The following MBTPS1 variants were observed in gnomAD, a reference collection of about 807,000 sequenced individuals.
MBTPS1 encodes membrane bound transcription factor peptidase, site 1, also known as membrane-bound transcription factor site-1 protease.
A neutral mutation model predicts 127.8 loss-of-function variants in MBTPS1; 94 were observed. That is an observed-to-expected ratio of 0.74 (90% confidence interval 0.62 to 0.87). MBTPS1 has a LOEUF of 0.87. Ranked by LOEUF, MBTPS1 falls within the 40% of genes least tolerant of loss-of-function variation. The probability of loss-of-function intolerance (pLI) is 0.00; values close to 1 mark genes in which losing one functional copy is unlikely to be tolerated. For synonymous variants in MBTPS1, 632 were observed against 509.4 expected, an observed-to-expected ratio of 1.24 and a Z score of -3.24; for missense variants, 1,636 against 1,353.2, an observed-to-expected ratio of 1.21 and a Z score of -3.28.
At chr16:84,093,420 G>A (rs1046184122) in intron 5 of MBTPS1, 123 bp from the exon 6 acceptor site, 4 of 712,604 alleles carry the variant, frequency 5.6e-6, no homozygotes, top group Non-Finnish European at 9.8e-6. Flanking sequence ...GAGGGCCTCT[G>A]CTGCTGCTCT....
intron 12 of MBTPS1, chr16:84,072,226 G>A (rs2085780484): frequency 6.6e-6 from 1 of 152,270 alleles, no homozygotes; most frequent in Non-Finnish European, 1.5e-5. Context: ...CAAAAGGACA[G>A]ATGCTATAGG....
intron 2 of MBTPS1, among the ~76,000 whole-genome samples, chr16:84,100,911 T>C (rs1198385130): frequency 1.3e-5 from 2 of 150,226 alleles, no homozygotes; most frequent in Admixed American, 1.3e-4. Context: ...TCCCAGCACT[T>C]TGGGAGGCCA....
intron 14 of MBTPS1, 87 bp from the exon 15 acceptor site, chr16:84,068,541 G>A: frequency 2.2e-6 from 2 of 897,198 alleles, no homozygotes; most frequent in Non-Finnish European, 1.8e-6. Context: ...CTCTGCAAGA[G>A]CACCATGCCA....
At chr16:84,095,149 G>A (rs913590132) in intron 4 of MBTPS1, among the ~76,000 whole-genome samples, 2 of 152,188 alleles carry the variant, frequency 1.3e-5, no homozygotes, top group African/African-American at 2.4e-5. Context: ...TCTGCATTCA[G>A]GACACCAAAC....
At position 84,067,715 on chromosome 16, in the gene MBTPS1, T is replaced by C; in HGVS notation, c.2180A>G (p.Tyr727Cys). 6.2e-7 allele frequency: 1 copy of C among 1,614,134 alleles called. No homozygotes were observed. Among genetic ancestry groups the C allele is most frequent in the Non-Finnish European group, 8.5e-7 (1 of 1,179,936 alleles). Residue 727 changes from tyrosine to cysteine, a missense_variant, in exon 16 of 23, where the codon TAC becomes TGC. Tyr to Cys is a radical substitution (Grantham distance 194). Coordinates refer to ENST00000343411, the MANE Select transcript of MBTPS1 (RefSeq NM_003791.4). Reference sequence around the variant, plus strand: ...CACTTTTCTCATAACAGAAGTGTTGTACCAGTCACTGAAGATGACGAGCGA... The same window carrying C: ...CACTTTTCTCATAACAGAAGTGTTGCACCAGTCACTGAAGATGACGAGCGA... Reference protein sequence around the residue: ...GLSLVIFSDWYNTSVMRKVKF... With the variant: ...GLSLVIFSDWCNTSVMRKVKF...
intron 20 of MBTPS1, 166 bp from the exon 21 acceptor site, chr16:84,059,594 T>C (rs2085575929): frequency 3.5e-6 from 2 of 572,044 alleles, no homozygotes; most frequent in Non-Finnish European, 3.1e-6. Flanking sequence ...CCACGCCTGA[T>C]TGGTTCCTCC....
intron 11 of MBTPS1, among the ~76,000 whole-genome samples, chr16:84,077,232 A>G (rs531494510): frequency 7.7e-6 from 1 of 130,380 alleles, no homozygotes; most frequent in South Asian, 2.4e-4. Context: ...TGCATTAAAA[A>G]AGAAAAAAAA....
intron 1 of MBTPS1, among the ~76,000 whole-genome samples, chr16:84,113,460 AG>A (rs2086426704): frequency 6.6e-6 from 1 of 152,270 alleles, no homozygotes; most frequent in Non-Finnish European, 1.5e-5. Flanking sequence ...TTCAAATTAT[AG>A]AAATAGAAAA....
chr16:84,070,566 C>T, intron 13 of MBTPS1, 22 bp downstream of exon 13: 3 of 1,607,848 alleles, frequency 1.9e-6, no homozygotes, highest in South Asian at 2.2e-5. Flanking sequence ...AGAAAACAAG[C>T]CACTTTCCCG....
At chr16:84,104,007 A>G (rs2086291486) in intron 1 of MBTPS1, among the ~76,000 whole-genome samples, 2 of 152,214 alleles carry the variant, frequency 1.3e-5, no homozygotes, top group South Asian at 4.1e-4. Context: ...GTTTGACAGA[A>G]GTTTGCTCAG....
chr16:84,091,018 A>G (rs1033968558), intron 7 of MBTPS1, 76 bp from the exon 8 acceptor site: 4 of 1,001,918 alleles, frequency 4.0e-6, no homozygotes, highest in African/African-American at 1.6e-5. Context: ...AAAAAAAACC[A>G]TACACAACGT....
chr16:84,107,985 C>A (rs2086347657), intron 1 of MBTPS1, among the ~76,000 whole-genome samples: 1 of 150,556 alleles, frequency 6.6e-6, no homozygotes, highest in Non-Finnish European at 1.5e-5. Context: ...GGATTATAGG[C>A]ATGAGCCACT....
At chr16:84,059,171 T>C in intron 21 of MBTPS1, 131 bp downstream of exon 21, 1 of 1,225,748 alleles carries the variant, frequency 8.2e-7, no homozygotes, top group South Asian at 1.5e-5. Context: ...ACTAAATAAC[T>C]GTCGCAAATG....
intron 4 of MBTPS1, among the ~76,000 whole-genome samples, chr16:84,095,279 T>C (rs2086163365): frequency 6.6e-6 from 1 of 152,200 alleles, no homozygotes; most frequent in Non-Finnish European, 1.5e-5. Flanking sequence ...TGTGCTCGTT[T>C]GTGTATGTGT....
intron 19 of MBTPS1, chr16:84,061,592 T>TGGA (rs2151141976): frequency 6.6e-6 from 1 of 151,912 alleles, no homozygotes; most frequent in East Asian, 1.9e-4. Flanking sequence ...CCCCAGGGGG[T>TGGA]GGAGGCAAGG....
In MBTPS1 at chr16:84,070,741, G is replaced by A. The variant is rs766163584; in HGVS notation, c.1629C>T (p.Asp543=). The A allele has an allele frequency of 1.2e-6, 2 of 1,613,564 alleles. No individual in the cohort carries two copies. The highest frequency in any genetic ancestry group is 2.7e-5 in the African/African-American group (2 of 74,902). The stretch of plus-strand genomic sequence containing the variant: ...AGTAGGAGAAGGCAACTTCAATGTT[G>A]TCTCCGTTCTGTGGCAAATAGGGCT... ...DWQPYLPQNG[D]NIEVAFSYSS... is the part of the protein sequence containing the mutation. Residue 543 remains aspartate, a synonymous_variant, in exon 13 of 23, where the codon GAC becomes GAT. Coordinates refer to ENST00000343411, the MANE Select transcript of MBTPS1 (RefSeq NM_003791.4).
At chr16:84,070,903 A>T in intron 12 of MBTPS1, 127 bp from the exon 13 acceptor site, 1 of 705,372 alleles carries the variant, frequency 1.4e-6, no homozygotes, top group Non-Finnish European at 2.3e-6. Context: ...AGGGAAAAAT[A>T]AAATTTATAC....
intron 6 of MBTPS1, 35 bp from the exon 7 acceptor site, chr16:84,091,883 C>T: frequency 8.1e-7 from 1 of 1,233,938 alleles, no homozygotes; most frequent in Non-Finnish European, 1.2e-6. Context: ...CTTAGTGTTT[C>T]AATCAAGTTT....
rs1439361980 is a variant in MBTPS1 at position 84,053,962 on chromosome 16, G to T, written c.*487C>A. The T allele has an allele frequency of 1.3e-5, 2 of 153,300 alleles. No homozygotes were observed. Among genetic ancestry groups the T allele is most frequent in the African/African-American group, 4.8e-5 (2 of 41,460 alleles). The allele number at this position is 153,300 out of a possible 1,614,324, so 9.5% of individuals were successfully genotyped here. ...TTAAAAAGATCATGGAATCTATGTT[G>T]TTCCTCATGATGGAATAGTAAAAAA... On this transcript the variant is annotated 3_prime_UTR_variant, in exon 23 of 23. Coordinates refer to ENST00000343411, the MANE Select transcript of MBTPS1 (RefSeq NM_003791.4).
Sources: gnomAD v4.1 joint callset for allele counts (sites outside exome capture counted in the v4.1 genomes callset) on GRCh38, gnomAD v4.1.1 for gene constraint, MANE v1.5 for transcripts, NCBI Gene and HGNC (gene_info 2026-07-23, HGNC 2026-07-21) for gene names.